Variants in ANKRD31 observed in about 807,000 individuals in gnomAD.
ANKRD31 encodes the protein ankyrin repeat domain 31.
ANKRD31 carries 147 observed loss-of-function variants against 186.0 expected under a neutral mutation model. That is an observed-to-expected ratio of 0.79 (90% CI 0.69 to 0.91). The LOEUF (loss-of-function observed/expected upper bound fraction) is 0.91, where lower values mean the gene tolerates loss of function less well. Ranked by LOEUF, ANKRD31 falls within the 40% of genes least tolerant of loss-of-function variation. The probability of loss-of-function intolerance (pLI) is 0.00; values close to 1 mark genes in which losing one functional copy is unlikely to be tolerated. For synonymous variants in ANKRD31, 673 were observed against 736.4 expected, an observed-to-expected ratio of 0.91 and a Z score of 1.39; for missense variants, 1,986 against 2,148.8, an observed-to-expected ratio of 0.92 and a Z score of 1.50.
chr5:75,118,300 A>G lies in ANKRD31; in HGVS notation c.3877-3T>C. Reference sequence around the variant, plus strand: ...TTTTGTAGTAGAATCTCAGCTGCCTACAAAGTATTTTTTCAAAGTTATCTC... The same window carrying G: ...TTTTGTAGTAGAATCTCAGCTGCCTGCAAAGTATTTTTTCAAAGTTATCTC... On this transcript the variant is annotated splice_region_variant and splice_polypyrimidine_tract_variant and intron_variant, in intron 17 of 25. Coordinates refer to ENST00000506364, the MANE Select transcript of ANKRD31 (RefSeq NM_001372053.1). 2 of 1,474,760 alleles carry G rather than the reference A, an allele frequency of 1.4e-6. No homozygotes were observed. The highest frequency in any genetic ancestry group is 1.8e-6 in the Non-Finnish European group (2 of 1,124,430). The allele number at this position is 1,474,760 out of a possible 1,614,324, so 91.4% of individuals were successfully genotyped here. A position where few individuals can be genotyped will look rare whatever the true frequency, so the allele number is the denominator to read the frequency against.
rs149957149 is a variant in ANKRD31, at chr5:75,128,259, G to T, written c.3876+9597C>A. Among the ~76,000 whole-genome samples, 338 of 151,508 alleles carry T rather than the reference G, an allele frequency of 2.2e-3. 1 individual carries two copies. Among genetic ancestry groups the T allele is most frequent in the African/African-American group, 7.1e-3 (294 of 41,124 alleles). ...AACATCACACACTGGGGCCTGGCAG[G>T]GGGTGGGGGACTAGGGGAGGGATAG... On this transcript the variant is annotated intron_variant, in intron 17 of 25. Transcript: ENST00000506364.
chr5:75,141,212 T>C (rs1751021748), intron 15 of ANKRD31, among the ~76,000 whole-genome samples: 1 of 152,156 alleles, frequency 6.6e-6, no homozygotes, highest in Non-Finnish European at 1.5e-5. Context: ...AATGGATTCT[T>C]GGGTTATATG....
chr5:75,170,509 T>C (rs895573473), intron 10 of ANKRD31, among the ~76,000 whole-genome samples: 1 of 152,208 alleles, frequency 6.6e-6, no homozygotes, highest in South Asian at 2.1e-4. Context: ...TTTATTTTTG[T>C]TCCAACTTTT....
At chr5:75,182,212 T>C (rs1754367028) in intron 10 of ANKRD31, among the ~76,000 whole-genome samples, 1 of 152,188 alleles carries the variant, frequency 6.6e-6, no homozygotes, top group African/African-American at 2.4e-5. Flanking sequence ...CATTGCTGTT[T>C]AGGTTCTGGA....
chr5:75,171,658 G>A (rs183888582), intron 10 of ANKRD31, among the ~76,000 whole-genome samples: 18 of 150,636 alleles, frequency 1.2e-4, no homozygotes, highest in Non-Finnish European at 2.1e-4. Flanking sequence ...GCCATAAATC[G>A]ATTCTTGAAA....
intron 22 of ANKRD31, among the ~76,000 whole-genome samples, chr5:75,098,230 A>C (rs1320106258): frequency 6.6e-6 from 1 of 151,560 alleles, no homozygotes; most frequent in East Asian, 1.9e-4. Context: ...CTTGACCTCC[A>C]CCCATCTCGG....
intron 10 of ANKRD31, among the ~76,000 whole-genome samples, chr5:75,188,151 T>C (rs1754864093): frequency 6.6e-6 from 1 of 152,156 alleles, no homozygotes; most frequent in Non-Finnish European, 1.5e-5. Flanking sequence ...CATCAGCTTC[T>C]TCCAGTGTTT....
At chr5:75,166,626 T>G (rs1489369039) in intron 11 of ANKRD31, among the ~76,000 whole-genome samples, 2 of 152,158 alleles carry the variant, frequency 1.3e-5, no homozygotes, top group Middle Eastern at 3.2e-3. Context: ...ACTCACAGAT[T>G]ACAGGATACT....
chr5:75,227,865 T>G (rs768209464), intron 2 of ANKRD31, among the ~76,000 whole-genome samples: 1 of 152,156 alleles, frequency 6.6e-6, no homozygotes, highest in Non-Finnish European at 1.5e-5. Flanking sequence ...CAGCATCAGA[T>G]TCTCATAGGA....
intron 22 of ANKRD31, among the ~76,000 whole-genome samples, chr5:75,102,359 A>G (rs887075952): frequency 6.6e-6 from 1 of 152,210 alleles, no homozygotes; most frequent in African/African-American, 2.4e-5. Flanking sequence ...GATGCCTCCC[A>G]GTTAGGCTAC....
At position 75,068,375 on chromosome 5, in the gene ANKRD31, AT is replaced by A; in HGVS notation, c.*143del. On this transcript the variant is annotated 3_prime_UTR_variant, in exon 26 of 26. Transcript: ENST00000506364. Reference sequence around the variant, plus strand: ...ATATAATTGTTGAACAGTTACATACATCTTAAGAACAGTAAACATACATCCT... The same window carrying A: ...ATATAATTGTTGAACAGTTACATACACTTAAGAACAGTAAACATACATCCT... 1.4e-6 allele frequency: 1 copy of A among 731,990 alleles called. No individual in the cohort carries two copies. The highest frequency in any genetic ancestry group is 3.2e-5 in the East Asian group (1 of 30,974). 45.3% of individuals were successfully genotyped at this position (731,990 alleles called of 1,614,324 possible).
chr5:75,195,529 A>G (rs1053738283), intron 7 of ANKRD31, 102 bp downstream of exon 7: 4 of 1,026,708 alleles, frequency 3.9e-6, no homozygotes, highest in Non-Finnish European at 5.5e-6. Flanking sequence ...ATAGACTCAT[A>G]TTTTCAGCTA....
chr5:75,123,364 C>T (rs1402949861), intron 17 of ANKRD31, among the ~76,000 whole-genome samples: 1 of 152,008 alleles, frequency 6.6e-6, no homozygotes, highest in Non-Finnish European at 1.5e-5. Flanking sequence ...GAGAATACTT[C>T]CAAAACAATA....
chr5:75,188,733 A>G, intron 9 of ANKRD31, 85 bp from the exon 10 acceptor site: 1 of 1,172,968 alleles, frequency 8.5e-7, no homozygotes, highest in Non-Finnish European at 1.2e-6. Context: ...ATTTCAAACT[A>G]CAAACTTCAC....
chr5:75,146,276 T>G lies in ANKRD31; in HGVS notation c.3135A>C (p.Leu1045Phe), dbSNP rs752807743. 103 of 1,536,382 alleles carry G rather than the reference T, an allele frequency of 6.7e-5. No homozygotes were observed. Among genetic ancestry groups the G allele is most frequent in the Non-Finnish European group, 8.7e-5 (100 of 1,146,444 alleles). ...QDYIPRAPTF[L>F]MNQTDTHIVE... ...CAATATGTGTATCTGTTTGATTCAT[T>G]AAAAAAGTTGGTGCTCTGGGAATAT... Residue 1045 changes from leucine to phenylalanine, a missense_variant, in exon 14 of 26, where the codon TTA (leucine) becomes TTC (phenylalanine). Physicochemically the swap from Leu to Phe is conservative, Grantham distance 22. Coordinates refer to ENST00000506364, the MANE Select transcript of ANKRD31 (RefSeq NM_001372053.1).
At chr5:75,185,793 A>G (rs1302312858) in intron 10 of ANKRD31, among the ~76,000 whole-genome samples, 2 of 151,934 alleles carry the variant, frequency 1.3e-5, no homozygotes, top group Non-Finnish European at 2.9e-5. Context: ...ATAAATATGT[A>G]TAATTATGTA....
At chr5:75,150,948 T>G (rs1034974346) in intron 12 of ANKRD31, among the ~76,000 whole-genome samples, 9 of 152,008 alleles carry the variant, frequency 5.9e-5, no homozygotes, top group Admixed American at 6.6e-5. Context: ...TCTGTCTCAC[T>G]TCTCATGCAA....
Position 75,084,366 on chromosome 5 carries a change from A to T in ANKRD31, c.5481T>A (p.Tyr1827Ter). Residue 1827 changes from tyrosine (Y) to a stop codon, truncating the protein, a stop_gained, in exon 24 of 26, where the codon TAT (tyrosine) becomes TAA (stop). Transcript: ENST00000506364. LOFTEE classifies it high-confidence loss of function. Reference sequence around the variant, plus strand: ...CATACCTTAAAAGCTCCTTCCCAAGATACGTTACCTGCACATAATTAAGCA... The same window carrying T: ...CATACCTTAAAAGCTCCTTCCCAAGTTACGTTACCTGCACATAATTAAGCA... ...TWNYAWSKVTYLGKELLRYVS... is the reference protein window; with the variant it reads ...TWNYAWSKVT 6.5e-7 allele frequency: 1 copy of T among 1,536,746 alleles called. No individual in the cohort carries two copies. The highest frequency in any genetic ancestry group is 8.7e-7 in the Non-Finnish European group (1 of 1,146,528).
intron 17 of ANKRD31, among the ~76,000 whole-genome samples, chr5:75,120,193 G>C (rs983505798): frequency 6.6e-6 from 1 of 151,982 alleles, no homozygotes; most frequent in Non-Finnish European, 1.5e-5. Context: ...CCAGGAGTTC[G>C]AGACCAGCCT....
Sources: allele counts gnomAD v4.1 joint callset (sites outside exome capture counted in the v4.1 genomes callset), GRCh38; gene constraint gnomAD v4.1.1; transcripts MANE v1.5; gene names NCBI Gene and HGNC (gene_info 2026-07-23, HGNC 2026-07-21).